ALDH1L2: variants seen among roughly 807,000 people sequenced by gnomAD.
ALDH1L2 encodes mitochondrial 10-formyltetrahydrofolate dehydrogenase.
ALDH1L2 carries 91 observed loss-of-function variants against 111.0 expected under a neutral mutation model. The ratio of observed to expected loss-of-function variants is 0.82; its 90% CI spans 0.69 to 0.98. The LOEUF is 0.98. Ranked by LOEUF, ALDH1L2 falls within the 50% of genes least tolerant of loss-of-function variation. The pLI is 0.00. For synonymous variants in ALDH1L2, 374 were observed against 392.6 expected, an observed-to-expected ratio of 0.95 and a Z score of 0.56; for missense variants, 995 against 1,126.8, an observed-to-expected ratio of 0.88 and a Z score of 1.67.
chr12:105,022,575 T>C lies in ALDH1L2; in HGVS notation c.*1849A>G, dbSNP rs781122367. The C allele has an allele frequency of 1.2e-4, 18 of 152,202 alleles. No individual in the cohort carries two copies. Among genetic ancestry groups the C allele is most frequent in the Non-Finnish European group, 2.5e-4 (17 of 68,040 alleles). 9.4% of individuals were successfully genotyped at this position (152,202 alleles called of 1,614,324 possible). Reference sequence around the variant, plus strand: ...TCAGTTAAAACATTTCACTTAAAAGTGATTACTTATAAAAAGGCTTTTGTC... The same window carrying C: ...TCAGTTAAAACATTTCACTTAAAAGCGATTACTTATAAAAAGGCTTTTGTC... On this transcript the variant is annotated 3_prime_UTR_variant, in exon 23 of 23. Coordinates refer to ENST00000258494, the MANE Select transcript of ALDH1L2 (RefSeq NM_001034173.4).
chr12:105,064,367 A>C (rs561003463), intron 6 of ALDH1L2, among the ~76,000 whole-genome samples: 12 of 152,098 alleles, frequency 7.9e-5, no homozygotes, highest in African/African-American at 2.9e-4. Flanking sequence ...CAAGGCACCC[A>C]GTGGTTAAGA....
At chr12:105,045,799 A>AAC (rs386377639) in intron 15 of ALDH1L2, among the ~76,000 whole-genome samples, 25 of 57,998 alleles carry the variant, frequency 4.3e-4, no homozygotes, top group Admixed American at 2.5e-3. Context: ...AAGAAGAAAT[A>AAC]AGAGTTGAGA....
At chr12:105,070,427 G>T in intron 3 of ALDH1L2, 143 bp downstream of exon 3, 1 of 671,492 alleles carries the variant, frequency 1.5e-6, no homozygotes, top group Non-Finnish European at 2.5e-6. Flanking sequence ...AAGTCTCACT[G>T]GGTGTTCTGG....
chr12:105,041,082 A>G (rs1307612516), intron 15 of ALDH1L2, among the ~76,000 whole-genome samples: 1 of 152,222 alleles, frequency 6.6e-6, no homozygotes, highest in East Asian at 1.9e-4. Flanking sequence ...TTACATAACC[A>G]TAGTACAATC....
chr12:105,076,531 T>A (rs937933465), intron 1 of ALDH1L2, among the ~76,000 whole-genome samples: 1 of 152,216 alleles, frequency 6.6e-6, no homozygotes, highest in Non-Finnish European at 1.5e-5. Context: ...CAACTCTGTT[T>A]ATTATCCTAG....
chr12:105,028,152 C>T (rs7135496), intron 21 of ALDH1L2, among the ~76,000 whole-genome samples: 5,035 of 152,182 alleles, frequency 0.033, 209 homozygotes, highest in East Asian at 0.14. Flanking sequence ...ACTCTGTCGC[C>T]CAGGCTGGAG....
At chr12:105,051,964 T>C in intron 12 of ALDH1L2, 126 bp downstream of exon 12, 2 of 864,698 alleles carry the variant, frequency 2.3e-6, no homozygotes, top group Non-Finnish European at 3.2e-6. Flanking sequence ...TCCCAGCACT[T>C]TGGGAGGCTG....
intron 1 of ALDH1L2, among the ~76,000 whole-genome samples, chr12:105,081,217 T>C (rs932720629): frequency 2.6e-5 from 4 of 152,168 alleles, no homozygotes; most frequent in Admixed American, 6.5e-5. Flanking sequence ...CAAGGGACAA[T>C]TGTATATGTA....
chr12:105,071,252 C>T (rs1877666829), intron 2 of ALDH1L2, among the ~76,000 whole-genome samples: 2 of 152,240 alleles, frequency 1.3e-5, no homozygotes, highest in African/African-American at 4.8e-5. Flanking sequence ...CACATTCTCC[C>T]TGCCAAACAG....
At chr12:105,061,160 T>A in intron 8 of ALDH1L2, 88 bp from the exon 9 acceptor site, 1 of 1,118,210 alleles carries the variant, frequency 8.9e-7, no homozygotes, top group Non-Finnish European at 1.3e-6. Context: ...ACCAATTCCC[T>A]CTTCATCTTG....
chr12:105,060,601 G>C (rs1876928534), intron 9 of ALDH1L2: 1 of 162,022 alleles, frequency 6.2e-6, no homozygotes, highest in Non-Finnish European at 1.4e-5. Flanking sequence ...GAGGCAAGCG[G>C]ATCAGCTGAG....
At chr12:105,044,280 C>T (rs926019522) in intron 15 of ALDH1L2, among the ~76,000 whole-genome samples, 1 of 152,118 alleles carries the variant, frequency 6.6e-6, no homozygotes, top group Admixed American at 6.5e-5. Context: ...TGCCATTCCT[C>T]AGTGATTAGC....
intron 17 of ALDH1L2, among the ~76,000 whole-genome samples, chr12:105,038,902 C>T (rs1875351132): frequency 6.6e-6 from 1 of 152,170 alleles, no homozygotes; most frequent in Non-Finnish European, 1.5e-5. Flanking sequence ...AATTAAACCT[C>T]TAACCAGACT....
chr12:105,069,172 A>T (rs1877542139), intron 3 of ALDH1L2, among the ~76,000 whole-genome samples: 1 of 152,182 alleles, frequency 6.6e-6, no homozygotes, highest in South Asian at 2.1e-4. Context: ...ACTACCACTC[A>T]TTGACTCCCA....
chr12:105,037,805 C>G (rs1875248405), intron 18 of ALDH1L2, among the ~76,000 whole-genome samples: 1 of 150,796 alleles, frequency 6.6e-6, no homozygotes, highest in Non-Finnish European at 1.5e-5. Flanking sequence ...CACTCTGTCG[C>G]CCAGGCTGGA....
At chr12:105,034,746 G>C (rs1312436232) in intron 18 of ALDH1L2, among the ~76,000 whole-genome samples, 2 of 152,168 alleles carry the variant, frequency 1.3e-5, no homozygotes, top group Non-Finnish European at 2.9e-5. Flanking sequence ...AGAACTTTGG[G>C]AGGCTGAGGC....
rs1159145670 is a variant in ALDH1L2 at position 105,035,839 on chromosome 12, ATG to A, written c.2146-1443_2146-1442del. ...ATATAGTGTGTCTATATATATATAT[ATG>A]TGTGTGTGTGTGTGTGTGTGTGTGT... On this transcript the variant is annotated intron_variant, in intron 18 of 22. Coordinates refer to ENST00000258494, the MANE Select transcript of ALDH1L2 (RefSeq NM_001034173.4). Among the ~76,000 whole-genome samples, 869 of 100,178 alleles carry A rather than the reference ATG, an allele frequency of 8.7e-3. 137 individuals carry two copies. Among genetic ancestry groups the A allele is most frequent in the African/African-American group, 0.038 (622 of 16,400 alleles). The allele number at this position is 100,178 out of a possible 152,430, so 65.7% of individuals were successfully genotyped here.
chr12:105,069,793 C>T (rs1194953024), intron 3 of ALDH1L2, among the ~76,000 whole-genome samples: 1 of 152,130 alleles, frequency 6.6e-6, no homozygotes, highest in African/African-American at 2.4e-5. Flanking sequence ...CCACCTCAAC[C>T]CACAGTATTG....
rs1409028949 is a variant in ALDH1L2 at position 105,066,741 on chromosome 12, C to T, written c.595-72G>A. On this transcript the variant is annotated intron_variant, in intron 4 of 22. Transcript: ENST00000258494. ...GGCATGGTCTATTTGACTAAAGTTT[C>T]TGCATAACAGAATTACTACCTATAA... is the stretch of plus-strand genomic sequence containing the variant. 6.9e-6 allele frequency: 9 copies of T among 1,302,602 alleles called. No homozygotes were observed. The African/African-American group carries it at 1.3e-4, about 19-fold the overall frequency. 80.7% of individuals were successfully genotyped at this position (1,302,602 alleles called of 1,614,324 possible).
Sources: allele counts gnomAD v4.1 joint callset (sites outside exome capture counted in the v4.1 genomes callset), GRCh38; gene constraint gnomAD v4.1.1; transcripts MANE v1.5; gene names NCBI Gene and HGNC (gene_info 2026-07-23, HGNC 2026-07-21).